The following ROR1 variants were observed in gnomAD, a reference collection of about 807,000 sequenced individuals.
ROR1 encodes the protein ROR family WNT receptor 1.
In ROR1, 19 loss-of-function variants were observed where a neutral mutation model predicts 78.8. The ratio of observed to expected loss-of-function variants is 0.24; its 90% confidence interval spans 0.17 to 0.35. The LOEUF (loss-of-function observed/expected upper bound fraction) is 0.35. Ranked by LOEUF, ROR1 falls within the 10% of genes least tolerant of loss-of-function variation. The pLI is 1.00. For synonymous variants in ROR1, 386 were observed against 433.6 expected (o/e 0.89, Z 1.36); for missense variants, 917 against 1,177.8 (o/e 0.78, Z 3.24).
At chr1:63,797,332 C>T (rs1189689027) in intron 1 of ROR1, among the ~76,000 whole-genome samples, 1 of 152,196 alleles carries the variant, frequency 6.6e-6, no homozygotes, top group Non-Finnish European at 1.5e-5. Flanking sequence ...AGTGTCCTGG[C>T]TGTGGGGCCA....
intron 1 of ROR1, among the ~76,000 whole-genome samples, chr1:63,973,213 C>T (rs148482809): frequency 1.1e-4 from 16 of 152,300 alleles, no homozygotes; most frequent in South Asian, 4.1e-4. Context: ...CAGAGATCCT[C>T]GACACTGGAT....
At chr1:64,034,455 T>C (rs1646685253) in intron 2 of ROR1, among the ~76,000 whole-genome samples, 1 of 152,120 alleles carries the variant, frequency 6.6e-6, no homozygotes, top group African/African-American at 2.4e-5. Context: ...GGAGAAAAAA[T>C]ATGAACGAGG....
chr1:64,106,315 C>T (rs1647806877), intron 4 of ROR1: 1 of 152,130 alleles, frequency 6.6e-6, no homozygotes. Context: ...ATTTTGTATC[C>T]TGAGACTTTG....
chr1:63,934,216 G>T (rs1645776010), intron 1 of ROR1, among the ~76,000 whole-genome samples: 2 of 152,152 alleles, frequency 1.3e-5, no homozygotes, highest in Non-Finnish European at 1.5e-5. Context: ...TGGGTGGCCG[G>T]TATGGAGCAA....
intron 1 of ROR1, among the ~76,000 whole-genome samples, chr1:63,815,726 G>A (rs72683038): frequency 0.12 from 18,424 of 151,980 alleles, 1,369 homozygotes; most frequent in Middle Eastern, 0.24. Context: ...AATTGTGTGG[G>A]TGAATTTGAG....
intron 1 of ROR1, among the ~76,000 whole-genome samples, chr1:63,815,823 C>T (rs911915326): frequency 6.6e-6 from 1 of 152,060 alleles, no homozygotes; most frequent in Non-Finnish European, 1.5e-5. Context: ...AGGTCCTGCC[C>T]AGGACCTACT....
At chr1:63,790,875 G>A (rs557079635) in intron 1 of ROR1, among the ~76,000 whole-genome samples, 3 of 152,166 alleles carry the variant, frequency 2.0e-5, no homozygotes, top group African/African-American at 4.8e-5. Context: ...TTTTGAACCT[G>A]CAAGCCATCT....
At chr1:64,056,045 C>A (rs1368121865) in intron 4 of ROR1, among the ~76,000 whole-genome samples, 1 of 152,220 alleles carries the variant, frequency 6.6e-6, no homozygotes, top group African/African-American at 2.4e-5. Flanking sequence ...ACAGTCCATG[C>A]ATGGCTATAC....
intron 8 of ROR1, among the ~76,000 whole-genome samples, chr1:64,174,817 A>G (rs1319052215): frequency 3.3e-5 from 5 of 152,136 alleles, no homozygotes; most frequent in Non-Finnish European, 5.9e-5. Context: ...TCTGAGTGCT[A>G]CAAGACAAAA....
At chr1:63,799,868 C>T (rs645558) in intron 1 of ROR1, among the ~76,000 whole-genome samples, 50,822 of 151,950 alleles carry the variant, frequency 0.33, 12,170 homozygotes, top group African/African-American at 0.68. Flanking sequence ...TTATGGCAGA[C>T]GAGGGAGACA....
chr1:63,988,559 A>G (rs1646269346), intron 1 of ROR1, among the ~76,000 whole-genome samples: 1 of 152,166 alleles, frequency 6.6e-6, no homozygotes, highest in Non-Finnish European at 1.5e-5. Flanking sequence ...TTGTTGTGTA[A>G]TCATTACCAC....
chr1:64,062,041 C>T (rs1646920924), intron 4 of ROR1, among the ~76,000 whole-genome samples: 2 of 152,298 alleles, frequency 1.3e-5, no homozygotes, highest in East Asian at 1.9e-4. Context: ...CACCTGGAAA[C>T]TCTCCCTCAA....
At chr1:63,784,710 T>G (rs1371326056) in intron 1 of ROR1, among the ~76,000 whole-genome samples, 1 of 152,104 alleles carries the variant, frequency 6.6e-6, no homozygotes, top group African/African-American at 2.4e-5. Context: ...TTTCCTCACG[T>G]GTAAAATGGG....
At chr1:63,840,281 G>GT (rs35330369) in intron 1 of ROR1, among the ~76,000 whole-genome samples, 42,955 of 139,510 alleles carry the variant, frequency 0.31, 6,701 homozygotes, top group African/African-American at 0.38. Context: ...TTGTCGTTTA[G>GT]TTTTTTTTTT....
chr1:64,132,236 C>T (rs1457473858), intron 4 of ROR1, among the ~76,000 whole-genome samples: 1 of 152,150 alleles, frequency 6.6e-6, no homozygotes. Context: ...GTACCTCATT[C>T]ATTTTTCATG....
chr1:63,901,392 C>T (rs961654855), intron 1 of ROR1, among the ~76,000 whole-genome samples: 6 of 152,262 alleles, frequency 3.9e-5, no homozygotes, highest in South Asian at 2.1e-4. Context: ...CCCCAGTTTA[C>T]ACACTTTCAC....
intron 1 of ROR1, among the ~76,000 whole-genome samples, chr1:63,806,540 AT>A (rs1380899218): frequency 1.3e-5 from 2 of 152,116 alleles, no homozygotes; most frequent in East Asian, 1.9e-4. Context: ...GATGGTCTCG[AT>A]CTCCTGACCT....
intron 4 of ROR1, among the ~76,000 whole-genome samples, chr1:64,089,110 T>C (rs1473902901): frequency 6.6e-6 from 1 of 152,188 alleles, no homozygotes; most frequent in East Asian, 1.9e-4. Flanking sequence ...AATTATTATA[T>C]ACAAAATTGT....
At chr1:64,062,368 G>A in intron 4 of ROR1, among the ~76,000 whole-genome samples, 1 of 152,114 alleles carries the variant, frequency 6.6e-6, no homozygotes, top group East Asian at 1.9e-4. Context: ...CTGTAGTGCA[G>A]TGGCACAATC....
Sources: allele counts gnomAD v4.1 joint callset (sites outside exome capture counted in the v4.1 genomes callset), GRCh38; gene constraint gnomAD v4.1.1; transcripts MANE v1.5; gene names NCBI Gene and HGNC (gene_info 2026-07-23, HGNC 2026-07-21).